The following SH3BGR variants were observed in gnomAD, a reference collection of about 807,000 sequenced individuals.
SH3BGR encodes the protein SH3 domain-binding glutamic acid-rich protein.
Under a neutral mutation model 24.5 loss-of-function variants are expected in SH3BGR, and 29 were observed. That is an observed-to-expected ratio of 1.18 (90% CI 0.88 to 1.61). SH3BGR has a LOEUF of 1.61. SH3BGR is among the 40% of genes most tolerant of loss of function. The probability of loss-of-function intolerance (pLI) is 0.00; values close to 1 mark genes in which losing one functional copy is unlikely to be tolerated. For missense variants in SH3BGR, 162 were observed against 205.8 expected, an observed-to-expected ratio of 0.79 and a Z score of 1.30; for synonymous variants, 55 against 65.7, an observed-to-expected ratio of 0.84 and a Z score of 0.79.
At position 39,499,834 on chromosome 21, in the gene SH3BGR, G is replaced by C; in HGVS notation, c.324G>C (p.Lys108Asn). ...APPPDSKGSE[K>N]AEEGGETEAQ... is the part of the protein sequence containing the mutation. ...TCCTTTATGACCAGGGATCAGAGAAGGCTGAAGAAGGTGGAGAAACTGAGG... is the reference window on the plus strand; with the variant it reads ...TCCTTTATGACCAGGGATCAGAGAACGCTGAAGAAGGTGGAGAAACTGAGG... Residue 108 changes from lysine to asparagine, a missense_variant, in exon 4 of 7, where the codon AAG becomes AAC. Transcript: ENST00000333634. 3 of 1,613,436 alleles carry C rather than the reference G, an allele frequency of 1.9e-6. No homozygotes were observed. Among genetic ancestry groups the C allele is most frequent in the South Asian group, 1.1e-5 (1 of 91,042 alleles).
intron 2 of SH3BGR, among the ~76,000 whole-genome samples, chr21:39,471,981 T>G (rs1461142943): frequency 6.6e-6 from 1 of 152,222 alleles, no homozygotes; most frequent in East Asian, 1.9e-4. Context: ...TATAGCTGTT[T>G]TATATTCTTT....
chr21:39,450,545 A>G (rs1252572867), upstream of SH3BGR, among the ~76,000 whole-genome samples: 3 of 152,112 alleles, frequency 2.0e-5, no homozygotes, highest in Non-Finnish European at 4.4e-5. Context: ...TCTGCTTCGG[A>G]ACGTCGGTGC....
chr21:39,496,927 A>G (rs570700560), intron 3 of SH3BGR, among the ~76,000 whole-genome samples: 23 of 152,276 alleles, frequency 1.5e-4, no homozygotes, highest in Non-Finnish European at 3.2e-4. Context: ...TATTTCAATC[A>G]AAATTCTATT....
At chr21:39,467,336 C>A (rs965212644) in intron 2 of SH3BGR, among the ~76,000 whole-genome samples, 19 of 151,958 alleles carry the variant, frequency 1.3e-4, no homozygotes, top group Non-Finnish European at 2.4e-4. Flanking sequence ...ATGTATTTTC[C>A]TATAACAAAT....
intron 3 of SH3BGR, among the ~76,000 whole-genome samples, chr21:39,495,130 G>GT (rs34649638): frequency 1 from 152,309 of 152,310 alleles, 76,154 homozygotes; most frequent in Middle Eastern, 1. Context: ...TTTGAGAATA[G>GT]TTTAATAGCT....
intron 3 of SH3BGR, among the ~76,000 whole-genome samples, chr21:39,484,659 G>A (rs575936596): frequency 9.2e-5 from 14 of 152,276 alleles, no homozygotes; most frequent in South Asian, 4.1e-4. Context: ...CTAAGAGGCC[G>A]TCCAGTCCAG....
At chr21:39,490,739 A>AT (rs55916184) in intron 3 of SH3BGR, among the ~76,000 whole-genome samples, 1,466 of 140,234 alleles carry the variant, frequency 0.01, 13 homozygotes, top group South Asian at 0.034. Flanking sequence ...GGTTTTGTGC[A>AT]TTTTTTTTTT....
At chr21:39,499,937 G>A (rs1206937882) in intron 4 of SH3BGR, 22 bp downstream of exon 4, 1 of 1,536,942 alleles carries the variant, frequency 6.5e-7, no homozygotes, top group South Asian at 1.1e-5. Context: ...CTTTTTCACA[G>A]CAGTTTGACT....
At chr21:39,458,169 G>T (rs978616708) in intron 1 of SH3BGR, among the ~76,000 whole-genome samples, 2 of 151,544 alleles carry the variant, frequency 1.3e-5, no homozygotes, top group Non-Finnish European at 2.9e-5. Context: ...AGTCCTTCTT[G>T]TAAACAAGGC....
intron 3 of SH3BGR, among the ~76,000 whole-genome samples, chr21:39,489,929 C>T (rs1042445875): frequency 1.3e-5 from 2 of 152,106 alleles, no homozygotes; most frequent in Admixed American, 6.5e-5. Context: ...GTGAGTTCAT[C>T]ACTGTGGATG....
At chr21:39,488,237 A>G (rs1275518713) in intron 3 of SH3BGR, 1 of 153,584 alleles carries the variant, frequency 6.5e-6, no homozygotes, top group Non-Finnish European at 1.5e-5. Context: ...TTTCTAGCAT[A>G]TAATCCTTTA....
chr21:39,494,787 A>G (rs915761607), intron 3 of SH3BGR, among the ~76,000 whole-genome samples: 1 of 151,976 alleles, frequency 6.6e-6, no homozygotes, highest in African/African-American at 2.4e-5. Context: ...TTCAAATATT[A>G]TTTCTGCTCC....
chr21:39,480,544 A>G (rs907962117), intron 3 of SH3BGR, among the ~76,000 whole-genome samples: 2 of 152,188 alleles, frequency 1.3e-5, no homozygotes, highest in Non-Finnish European at 2.9e-5. Context: ...GTTAGGGCAG[A>G]CTACTATCCA....
intron 1 of SH3BGR, among the ~76,000 whole-genome samples, chr21:39,457,746 G>A: frequency 6.6e-6 from 1 of 151,596 alleles, no homozygotes; most frequent in East Asian, 1.9e-4. Flanking sequence ...AGCCTGGGCA[G>A]CATGGTGAAA....
intron 3 of SH3BGR, 118 bp from the exon 4 acceptor site, chr21:39,499,703 CTA>C (rs1569171927): frequency 3.0e-6 from 2 of 661,522 alleles, no homozygotes; most frequent in Admixed American, 2.9e-5. Flanking sequence ...AGTGGGCAGT[CTA>C]TGTTTGCTTC....
upstream of SH3BGR, among the ~76,000 whole-genome samples, chr21:39,451,009 T>A (rs1349431358): frequency 4.6e-5 from 7 of 151,910 alleles, no homozygotes; most frequent in Non-Finnish European, 7.4e-5. Context: ...GTTGGTAAAG[T>A]CGTACCTCAG....
At chr21:39,477,797 T>G (rs1483224251) in intron 3 of SH3BGR, among the ~76,000 whole-genome samples, 1 of 152,244 alleles carries the variant, frequency 6.6e-6, no homozygotes, top group Non-Finnish European at 1.5e-5. Context: ...GGAATTTGGT[T>G]TTGATAAATG....
chr21:39,492,943 G>A (rs1317650238), intron 3 of SH3BGR, among the ~76,000 whole-genome samples: 1 of 152,044 alleles, frequency 6.6e-6, no homozygotes, highest in Non-Finnish European at 1.5e-5. Context: ...GTCTATTCAT[G>A]TCCTTAGCCC....
intron 3 of SH3BGR, among the ~76,000 whole-genome samples, chr21:39,487,822 TTAAG>T (rs2078235567): frequency 6.6e-6 from 1 of 152,150 alleles, no homozygotes. Context: ...GGCAAAATAT[TTAAG>T]TAAGTGTGGC....
Sources: gnomAD v4.1 joint callset for allele counts (sites outside exome capture counted in the v4.1 genomes callset) on GRCh38, gnomAD v4.1.1 for gene constraint, MANE v1.5 for transcripts, NCBI Gene and HGNC (gene_info 2026-07-23, HGNC 2026-07-21) for gene names.